The following SGSM3 variants were observed in gnomAD, a reference collection of about 807,000 sequenced individuals.
SGSM3 encodes the protein RUN and SH3 containing 3.
SGSM3 carries 96 observed loss-of-function variants against 100.5 expected under a neutral mutation model. The observed-to-expected ratio is 0.96, with a 90% CI of 0.81 to 1.13. SGSM3 has a LOEUF of 1.13. Ranked by LOEUF, SGSM3 falls within the 50% of genes most tolerant of loss-of-function variation. The probability of loss-of-function intolerance (pLI) is 0.00; values close to 1 mark genes in which losing one functional copy is unlikely to be tolerated. For synonymous variants in SGSM3, 483 were observed against 422.8 expected (o/e 1.14, Z -1.75); for missense variants, 1,001 against 1,015.8 (o/e 0.99, Z 0.20).
rs151246021 is a variant in SGSM3 at position 40,402,692 on chromosome 22, C to G, written c.157+487C>G. Among the ~76,000 whole-genome samples the G allele has an allele frequency of 5.1e-3, 783 of 152,306 alleles. 4 individuals carry two copies. Among genetic ancestry groups the G allele is most frequent in the Non-Finnish European group, 8.5e-3 (579 of 68,020 alleles). ...AGGTGGAGGTTGCAGTGAGCTGAGA[C>G]TGCGCCACTGCACTCCAGCCTAGGC... is the stretch of plus-strand genomic sequence containing the variant. On this transcript the variant is annotated intron_variant, in intron 4 of 21. Transcript: ENST00000248929.
At chr22:40,380,450 T>C (rs1214451152) in intron 1 of SGSM3, among the ~76,000 whole-genome samples, 2 of 149,692 alleles carry the variant, frequency 1.3e-5, no homozygotes, top group Admixed American at 1.4e-4. Context: ...CACTGTAACC[T>C]CCGCCTCCCG....
chr22:40,378,273 A>AAT (rs2046986423), intron 1 of SGSM3: 1 of 152,238 alleles, frequency 6.6e-6, no homozygotes, highest in South Asian at 2.1e-4. Context: ...TCTACAAAAA[A>AAT]ATAAGAAAAA....
rs762548794 is a variant in SGSM3 at position 40,404,561 on chromosome 22, G to A, written c.371G>A (p.Trp124Ter). 6.2e-7 allele frequency: 1 copy of A among 1,613,706 alleles called. No homozygotes were observed. Among genetic ancestry groups the A allele is most frequent in the Non-Finnish European group, 8.5e-7 (1 of 1,179,796 alleles). Residue 124 changes from tryptophan to a stop codon, truncating the protein, a stop_gained, in exon 6 of 22, where the codon TGG becomes TAG. Transcript: ENST00000248929. LOFTEE classifies it high-confidence loss of function. ...CTTGCGGCTCCCTTCCCTCAGCTGT[G>A]GATGCGGCTCTCTGGGGCCCTGCAG... is the stretch of plus-strand genomic sequence containing the variant. ...GIPHGMRPQL[W>*]MRLSGALQKK...
intron 10 of SGSM3, 75 bp from the exon 11 acceptor site, chr22:40,406,942 C>G: frequency 7.2e-7 from 1 of 1,386,554 alleles, no homozygotes; most frequent in South Asian, 1.2e-5. Context: ...TCAGATGAGA[C>G]AGTATAAGCC....
chr22:40,410,010 G>C lies in SGSM3; in HGVS notation c.*251G>C. On this transcript the variant is annotated 3_prime_UTR_variant, in exon 22 of 22. Coordinates refer to ENST00000248929, the MANE Select transcript of SGSM3 (RefSeq NM_015705.6). Reference sequence around the variant, plus strand: ...CCAAAAACCTTGTGAGGAGGTGGGGGAGCCATGTCTGTGCTCAGGAAGAGG... The same window carrying C: ...CCAAAAACCTTGTGAGGAGGTGGGGCAGCCATGTCTGTGCTCAGGAAGAGG... The C allele has an allele frequency of 7.5e-7, 1 of 1,336,926 alleles. No homozygotes were observed. Among genetic ancestry groups the C allele is most frequent in the South Asian group, 2.1e-5 (1 of 47,354 alleles). 82.8% of individuals were successfully genotyped at this position (1,336,926 alleles called of 1,614,324 possible).
chr22:40,396,693 T>C (rs750592524), intron 1 of SGSM3, among the ~76,000 whole-genome samples: 8 of 152,060 alleles, frequency 5.3e-5, no homozygotes, highest in Non-Finnish European at 1.0e-4. Context: ...TCTGTAGTAG[T>C]AGCAACTATG....
chr22:40,408,754 A>C, intron 17 of SGSM3, 40 bp from the exon 18 acceptor site: 1 of 1,613,670 alleles, frequency 6.2e-7, no homozygotes, highest in Non-Finnish European at 8.5e-7. Context: ...GCGGGGCCTG[A>C]CCCAGCCCCG....
At chr22:40,371,261 T>C (rs2045409554) in intron 1 of SGSM3, among the ~76,000 whole-genome samples, 2 of 152,240 alleles carry the variant, frequency 1.3e-5, no homozygotes, top group Admixed American at 1.3e-4. Flanking sequence ...TTTTGAAAAT[T>C]ATTCTCATAC....
intron 1 of SGSM3, chr22:40,372,907 C>A (rs879357481): frequency 6.6e-6 from 1 of 152,192 alleles, no homozygotes; most frequent in African/African-American, 2.4e-5. Flanking sequence ...CAGCTGGTGA[C>A]GTCAGTAATT....
chr22:40,401,250 C>CT (rs1555935071), intron 2 of SGSM3, among the ~76,000 whole-genome samples: 12 of 151,858 alleles, frequency 7.9e-5, no homozygotes, highest in Admixed American at 2.0e-4. Context: ...TCTGCATTTT[C>CT]TATTTTTTTT....
intron 8 of SGSM3, 114 bp downstream of exon 8, chr22:40,405,958 C>G: frequency 6.7e-7 from 1 of 1,483,804 alleles, no homozygotes; most frequent in Non-Finnish European, 9.2e-7. Flanking sequence ...CTCTTTTGTT[C>G]TCTGGTGTTC....
rs750479022 is a variant in SGSM3, at chr22:40,408,824, G to A, written c.1884G>A (p.Pro628=). ...ATGAAGATGGCAAAGTCCTGACCCC[G>A]GAGGAGCTGCTCTACCGGGTAAGGG... ...RLDEDGKVLT[P]EELLYRAVQS... The change falls in exon 18 of 22, where the codon CCG becomes CCA. Residue 628 remains proline (P), a synonymous_variant. Transcript: ENST00000248929. 40 of 1,613,680 alleles carry A rather than the reference G, an allele frequency of 2.5e-5. No individual in the cohort carries two copies. Among genetic ancestry groups the A allele is most frequent in the Middle Eastern group, 1.6e-4 (1 of 6,084 alleles).
chr22:40,398,313 G>T (rs1251227426), intron 1 of SGSM3, among the ~76,000 whole-genome samples: 11 of 137,178 alleles, frequency 8.0e-5, no homozygotes, highest in East Asian at 2.2e-4. Flanking sequence ...TTCCCCCACT[G>T]TTGTGTCCCA....
chr22:40,402,352 A>G, intron 4 of SGSM3, 147 bp downstream of exon 4: 1 of 668,790 alleles, frequency 1.5e-6, no homozygotes, highest in Non-Finnish European at 2.7e-6. Context: ...TGAGGGTGAT[A>G]CTCTCATAAG....
At position 40,407,113 on chromosome 22, in the gene SGSM3, G is replaced by A. The variant is rs779327726; in HGVS notation, c.1240+42G>A. 41 of 1,608,468 alleles carry A rather than the reference G, an allele frequency of 2.5e-5. No individual in the cohort carries two copies. The South Asian group carries it at 4.4e-4, about 17-fold the overall frequency. Reference sequence around the variant, plus strand: ...TGCCAGGCAGTGTGGGCATGCGGGAGTCTGTCCTCACGCTCATGTGGACGT... The same window carrying A: ...TGCCAGGCAGTGTGGGCATGCGGGAATCTGTCCTCACGCTCATGTGGACGT... On this transcript the variant is annotated intron_variant, in intron 11 of 21. Transcript: ENST00000248929. This position sits in a 1 kb window ranked among gnomAD's most constrained non-coding sequence, Gnocchi z 4.7.
rs2052416922 is a variant in SGSM3, at chr22:40,410,138, C to G, written c.*379C>G. ...CTACCTGTCTTCTGTGCAGCTAGGG[C>G]TGCAGAGCTGTATTCAGGTCCAAGG... is the stretch of plus-strand genomic sequence containing the variant. On this transcript the variant is annotated 3_prime_UTR_variant, in exon 22 of 22. Coordinates refer to ENST00000248929, the MANE Select transcript of SGSM3 (RefSeq NM_015705.6). The G allele has an allele frequency of 8.9e-7, 1 of 1,125,400 alleles. No individual in the cohort carries two copies. Among genetic ancestry groups the G allele is most frequent in the South Asian group, 3.4e-5 (1 of 29,464 alleles). The allele number at this position is 1,125,400 out of a possible 1,614,324, so 69.7% of individuals were successfully genotyped here.
intron 1 of SGSM3, among the ~76,000 whole-genome samples, chr22:40,399,689 A>T (rs1217409056): frequency 1.3e-5 from 2 of 152,252 alleles, no homozygotes; most frequent in Admixed American, 1.3e-4. Flanking sequence ...CCTATATCAC[A>T]TATATTTTAC....
intron 1 of SGSM3, among the ~76,000 whole-genome samples, chr22:40,380,423 G>T (rs1042791702): frequency 6.8e-6 from 1 of 148,002 alleles, no homozygotes; most frequent in Admixed American, 6.9e-5. Flanking sequence ...CTGGAGTGCA[G>T]TGGCACTATC....
At chr22:40,390,960 G>A (rs368267452) in intron 1 of SGSM3, among the ~76,000 whole-genome samples, 28 of 152,132 alleles carry the variant, frequency 1.8e-4, no homozygotes, top group South Asian at 8.3e-4. Context: ...GCTAGGTACC[G>A]GACATAGGAC....
Sources: gnomAD v4.1 joint callset for allele counts (sites outside exome capture counted in the v4.1 genomes callset) on GRCh38, gnomAD v4.1.1 for gene constraint, Gnocchi (gnomAD v3.1) non-coding constraint, MANE v1.5 for transcripts, NCBI Gene and HGNC (gene_info 2026-07-23, HGNC 2026-07-21) for gene names.